Variants in FAR2 observed in about 807,000 individuals in gnomAD.
FAR2 encodes fatty acyl-CoA reductase 2, also known as epididymis secretory protein Li 81.
In FAR2, 19 loss-of-function variants were observed where a neutral mutation model predicts 56.0. The observed-to-expected ratio is 0.34, with a 90% confidence interval of 0.24 to 0.50. FAR2 has a LOEUF of 0.50. FAR2 is among the 20% of genes least tolerant of loss of function. FAR2 has a pLI of 0.98. For synonymous variants in FAR2, 219 were observed against 218.8 expected, an observed-to-expected ratio of 1.00 and a Z score of -0.01; for missense variants, 508 against 642.2, an observed-to-expected ratio of 0.79 and a Z score of 2.26.
chr12:29,307,552 GA>G lies in FAR2; in HGVS notation c.546-104del, dbSNP rs1290311366. 20 of 1,157,190 alleles carry G rather than the reference GA, an allele frequency of 1.7e-5. 1 individual carries two copies. In the Middle Eastern group the frequency reaches 8.3e-4, roughly 48 times the overall value. The allele number at this position is 1,157,190 out of a possible 1,614,324, so 71.7% of individuals were successfully genotyped here. A position where few individuals can be genotyped will look rare whatever the true frequency, so the allele number is the denominator to read the frequency against. On this transcript the variant is annotated intron_variant, in intron 4 of 11. Transcript: ENST00000536681. ...TATCATGTGACTGTTCTGAATTCCA[GA>G]ACCGAGGCTAAAAGGTGGAAGTTTT...
rs532654486 is a variant in FAR2, at chr12:29,166,440, C to T, written c.-39+17033C>T. Among the ~76,000 whole-genome samples the T allele has an allele frequency of 8.3e-4, 126 of 152,280 alleles. 1 individual carries two copies. The highest frequency in any genetic ancestry group is 2.9e-3 in the African/African-American group (119 of 41,558). On this transcript the variant is annotated intron_variant, in intron 1 of 11. Coordinates refer to ENST00000536681, the MANE Select transcript of FAR2 (RefSeq NM_001271783.2). Reference sequence around the variant, plus strand: ...ATCTTTCCATGTTGATAATGCAGATCTCTGCTTTCTGACCAAAAGGAAAGC... The same window carrying T: ...ATCTTTCCATGTTGATAATGCAGATTTCTGCTTTCTGACCAAAAGGAAAGC...
chr12:29,276,635 G>A (rs562866414), intron 2 of FAR2, among the ~76,000 whole-genome samples: 8 of 152,144 alleles, frequency 5.3e-5, no homozygotes, highest in African/African-American at 9.7e-5. Context: ...GAATGCTATC[G>A]CTGATTGGCT....
intron 1 of FAR2, among the ~76,000 whole-genome samples, chr12:29,269,931 A>G (rs1022256699): frequency 3.3e-5 from 5 of 152,086 alleles, no homozygotes; most frequent in African/African-American, 1.2e-4. Flanking sequence ...TATTTCCCCT[A>G]AGCACGCTGT....
At chr12:29,216,994 G>A (rs780303839) in intron 1 of FAR2, among the ~76,000 whole-genome samples, 35 of 152,078 alleles carry the variant, frequency 2.3e-4, no homozygotes, top group Non-Finnish European at 4.0e-4. Flanking sequence ...CTCTCTAATC[G>A]CTGGCATTTA....
intron 1 of FAR2, among the ~76,000 whole-genome samples, chr12:29,208,336 C>G (rs1197926437): frequency 6.6e-6 from 1 of 152,220 alleles, no homozygotes; most frequent in Non-Finnish European, 1.5e-5. Context: ...TGAACAGACA[C>G]AGGCTAGACA....
At position 29,310,965 on chromosome 12, in the gene FAR2, T is replaced by A. The variant is rs1338558290; in HGVS notation, c.769-63T>A. 2.4e-6 allele frequency: 3 copies of A among 1,224,744 alleles called. No homozygotes were observed. The East Asian group carries it at 7.0e-5, about 28-fold the overall frequency. 75.9% of individuals were successfully genotyped at this position (1,224,744 alleles called of 1,614,324 possible). A position where few individuals can be genotyped will look rare whatever the true frequency, so the allele number is the denominator to read the frequency against. ...CTAGTATAACCAGTTTGATGATACA[T>A]ACTTTAGCCCCAGCTATTATTTAAG... On this transcript the variant is annotated intron_variant, in intron 6 of 11. Coordinates refer to ENST00000536681, the MANE Select transcript of FAR2 (RefSeq NM_001271783.2).
chr12:29,173,324 G>A (rs1270299419), intron 1 of FAR2, among the ~76,000 whole-genome samples: 2 of 152,092 alleles, frequency 1.3e-5, no homozygotes, highest in East Asian at 1.9e-4. Context: ...TCTGGCCAGG[G>A]GAGATTAGAG....
chr12:29,203,605 A>T (rs1179941239), intron 1 of FAR2, among the ~76,000 whole-genome samples: 1 of 152,190 alleles, frequency 6.6e-6, no homozygotes, highest in Non-Finnish European at 1.5e-5. Context: ...GTTTTACCTG[A>T]ATGAAAAACT....
intron 10 of FAR2, among the ~76,000 whole-genome samples, chr12:29,326,251 C>A (rs1273961540): frequency 6.6e-6 from 1 of 152,178 alleles, no homozygotes; most frequent in Non-Finnish European, 1.5e-5. Flanking sequence ...GAAATTGAGG[C>A]AATAATTAAT....
rs544713713 is a variant in FAR2 at position 29,224,757 on chromosome 12, C to T, written c.-38-45655C>T. Among the ~76,000 whole-genome samples, 7 of 152,082 alleles carry T rather than the reference C, an allele frequency of 4.6e-5. No homozygotes were observed. The East Asian group carries it at 7.7e-4, about 17-fold the overall frequency. On this transcript the variant is annotated intron_variant, in intron 1 of 11. Coordinates refer to ENST00000536681, the MANE Select transcript of FAR2 (RefSeq NM_001271783.2). ...CATACCAAAGCAGTGACTTATTAGA[C>T]GTATGTAATGTTTTAAAAAGATAAT...
chr12:29,311,577 A>G (rs546828908), intron 7 of FAR2, among the ~76,000 whole-genome samples: 1 of 151,936 alleles, frequency 6.6e-6, no homozygotes, highest in African/African-American at 2.4e-5. Context: ...GGTTGTTCAT[A>G]TATTTGGGTC....
chr12:29,238,826 A>G (rs1238294836), intron 1 of FAR2, among the ~76,000 whole-genome samples: 1 of 152,212 alleles, frequency 6.6e-6, no homozygotes, highest in Non-Finnish European at 1.5e-5. Context: ...AGGAAACTGT[A>G]TTAGTTTTCT....
chr12:29,243,891 T>C (rs1365443631), intron 1 of FAR2, among the ~76,000 whole-genome samples: 1 of 152,158 alleles, frequency 6.6e-6, no homozygotes, highest in Non-Finnish European at 1.5e-5. Context: ...ATAAGAACCT[T>C]TAAAAGATGA....
At chr12:29,281,166 A>C (rs938528292) in intron 2 of FAR2, 1 of 152,202 alleles carries the variant, frequency 6.6e-6, no homozygotes, top group Non-Finnish European at 1.5e-5. Flanking sequence ...CTGCCTCCCA[A>C]TGTTGAGGTA....
At chr12:29,307,090 A>C (rs1297812919) in intron 4 of FAR2, among the ~76,000 whole-genome samples, 1 of 152,190 alleles carries the variant, frequency 6.6e-6, no homozygotes, top group African/African-American at 2.4e-5. Flanking sequence ...TAGGGCTGCC[A>C]CTGAAGCACC....
chr12:29,259,883 A>G (rs1326780934), intron 1 of FAR2, among the ~76,000 whole-genome samples: 1 of 152,134 alleles, frequency 6.6e-6, no homozygotes, highest in East Asian at 1.9e-4. Flanking sequence ...GAGATTGTCA[A>G]AGTGACTTAG....
intron 10 of FAR2, among the ~76,000 whole-genome samples, chr12:29,330,151 G>C (rs563854058): frequency 2.0e-5 from 3 of 148,382 alleles, no homozygotes; most frequent in South Asian, 4.2e-4. Flanking sequence ...CCGCCTCCCG[G>C]GTTCAAGCGC....
chr12:29,205,935 A>T (rs1242979918), intron 1 of FAR2, among the ~76,000 whole-genome samples: 1 of 152,074 alleles, frequency 6.6e-6, no homozygotes, highest in Non-Finnish European at 1.5e-5. Context: ...CAATCCCTCT[A>T]CTTTGACTAG....
chr12:29,254,433 C>T (rs1434297359), intron 1 of FAR2, among the ~76,000 whole-genome samples: 1 of 152,188 alleles, frequency 6.6e-6, no homozygotes, highest in African/African-American at 2.4e-5. Context: ...CTCCTGAGCT[C>T]AAGCAATCCT....
Sources: gnomAD v4.1 joint callset for allele counts (sites outside exome capture counted in the v4.1 genomes callset) on GRCh38, gnomAD v4.1.1 for gene constraint, MANE v1.5 for transcripts, NCBI Gene and HGNC (gene_info 2026-07-23, HGNC 2026-07-21) for gene names.